ZFAND4: variants seen among roughly 807,000 people sequenced by gnomAD.
ZFAND4 encodes the protein zinc finger AN1-type containing 4.
A neutral mutation model predicts 64.4 loss-of-function variants in ZFAND4; 43 were observed. That is an observed-to-expected ratio of 0.67 (90% confidence interval 0.52 to 0.86). The LOEUF (loss-of-function observed/expected upper bound fraction) is 0.86. Among genes scored for constraint, ZFAND4 ranks in the 40% least tolerant of loss-of-function variants. The pLI is 0.00. For missense variants in ZFAND4, 929 were observed against 859.8 expected (o/e 1.08, Z -1.01); for synonymous variants, 296 against 305.7 (o/e 0.97, Z 0.33).
chr10:45,641,262 T>C (rs532747434), intron 5 of ZFAND4, among the ~76,000 whole-genome samples: 31 of 152,316 alleles, frequency 2.0e-4, no homozygotes, highest in African/African-American at 7.2e-4. Flanking sequence ...CTTGGCACAT[T>C]TGGAAAACAA....
intron 2 of ZFAND4, chr10:45,662,802 G>A (rs1247287435): frequency 4.2e-6 from 1 of 237,588 alleles, no homozygotes; most frequent in Non-Finnish European, 6.8e-6. Context: ...GGCAACCCTA[G>A]TCACTACCTT....
Position 45,626,778 on chromosome 10 carries a change from C to T in ZFAND4, c.1045G>A (p.Asp349Asn), listed in dbSNP as rs760757010. 9 of 1,614,040 alleles carry T rather than the reference C, an allele frequency of 5.6e-6. No homozygotes were observed. Among genetic ancestry groups the T allele is most frequent in the Non-Finnish European group, 7.6e-6 (9 of 1,180,056 alleles). Residue 349 changes from aspartate to asparagine, a missense_variant, in exon 7 of 10, where the codon GAC becomes AAC. By Grantham distance (23) the Asp-to-Asn change is conservative. Coordinates refer to ENST00000344646, the MANE Select transcript of ZFAND4 (RefSeq NM_174890.4). ...AGAACAGAGTCAGCAAGCTCCTGGT[C>T]ATTTCCCAACTCCAAATGGGGTATC... ...PQIPHLELGN[D>N]QELADSVLHL...
At chr10:45,617,101 A>G (rs1177903207) in intron 9 of ZFAND4, among the ~76,000 whole-genome samples, 2 of 151,916 alleles carry the variant, frequency 1.3e-5, no homozygotes, top group East Asian at 1.9e-4. Flanking sequence ...AAAAAAAAAA[A>G]GAATGAAACA....
intron 5 of ZFAND4, chr10:45,640,361 T>C: frequency 7.8e-7 from 1 of 1,276,038 alleles, no homozygotes; most frequent in Non-Finnish European, 1.0e-6. Context: ...TGAATCAGAA[T>C]TTTTTTAAAT....
At chr10:45,665,348 T>C (rs1363022031) in intron 1 of ZFAND4, among the ~76,000 whole-genome samples, 1 of 152,098 alleles carries the variant, frequency 6.6e-6, no homozygotes, top group Non-Finnish European at 1.5e-5. Context: ...GAGACCAGCC[T>C]GGCCAAAATG....
intron 5 of ZFAND4, among the ~76,000 whole-genome samples, chr10:45,641,352 C>T (rs2046985588): frequency 6.6e-6 from 1 of 152,166 alleles, no homozygotes; most frequent in South Asian, 2.1e-4. Flanking sequence ...AGGTTATCTA[C>T]ACTATGGAAG....
In ZFAND4 at chr10:45,626,290, A is replaced by C. The variant is rs1385068106; in HGVS notation, c.1533T>G (p.Asp511Glu). 1 of 1,614,100 alleles carries C rather than the reference A, an allele frequency of 6.2e-7. No homozygotes were observed. The highest frequency in any genetic ancestry group is 2.2e-5 in the East Asian group (1 of 44,902). ...KLQPSSSQSLDVQNITDSSFS... is the reference protein window; with the variant it reads ...KLQPSSSQSLEVQNITDSSFS... ...AAGAAGAATCAGTTATGTTTTGAAC[A>C]TCCAGTGACTGAGAAGAAGAAGGCT... The change falls in exon 7 of 10, where the codon GAT becomes GAG. Residue 511 changes from aspartate to glutamate, a missense_variant. Asp to Glu is a conservative substitution (Grantham distance 45). Transcript: ENST00000344646.
intron 1 of ZFAND4, among the ~76,000 whole-genome samples, chr10:45,670,711 A>T (rs1363608401): frequency 6.6e-6 from 1 of 152,218 alleles, no homozygotes; most frequent in Non-Finnish European, 1.5e-5. Flanking sequence ...TAAATGTTAG[A>T]CCTGAAACCA....
At chr10:45,631,838 G>T (rs745954325) in intron 6 of ZFAND4, among the ~76,000 whole-genome samples, 1 of 151,978 alleles carries the variant, frequency 6.6e-6, no homozygotes, top group South Asian at 2.1e-4. Flanking sequence ...TATCTATTAC[G>T]TATCAATGAA....
chr10:45,637,607 G>A (rs527598825), intron 6 of ZFAND4, among the ~76,000 whole-genome samples: 36 of 151,838 alleles, frequency 2.4e-4, no homozygotes, highest in South Asian at 4.2e-4. Flanking sequence ...AAAATTAGCC[G>A]GGCGTGGAGA....
intron 1 of ZFAND4, among the ~76,000 whole-genome samples, chr10:45,664,657 G>A (rs908841649): frequency 3.3e-5 from 5 of 151,666 alleles, no homozygotes; most frequent in Admixed American, 3.3e-4. Flanking sequence ...TGGGGGCTGT[G>A]GCTCATGCCT....
At chr10:45,642,419 A>T (rs1357931606) in intron 5 of ZFAND4, among the ~76,000 whole-genome samples, 2 of 152,024 alleles carry the variant, frequency 1.3e-5, no homozygotes, top group Non-Finnish European at 2.9e-5. Context: ...CATCCTGGCT[A>T]ACATGGTGAA....
At chr10:45,633,170 G>C (rs1323190556) in intron 6 of ZFAND4, among the ~76,000 whole-genome samples, 1 of 148,624 alleles carries the variant, frequency 6.7e-6, no homozygotes, top group Non-Finnish European at 1.5e-5. Context: ...ATGAATAATA[G>C]ACCTTCATCT....
At chr10:45,635,214 C>CAAAAAAAAAAAAAAA (rs76130878) in intron 6 of ZFAND4, among the ~76,000 whole-genome samples, 6 of 68,250 alleles carry the variant, frequency 8.8e-5, no homozygotes, top group Admixed American at 1.6e-4. Flanking sequence ...AAAAAAAAAA[C>CAAAAAAAAAAAAAAA]AAAAAAAAAA....
chr10:45,643,966 A>T (rs2047203390), intron 5 of ZFAND4, among the ~76,000 whole-genome samples: 1 of 152,246 alleles, frequency 6.6e-6, no homozygotes, highest in Non-Finnish European at 1.5e-5. Context: ...ATAAAATTCA[A>T]ATTTGTGTCC....
rs573817140 is a variant in ZFAND4 at position 45,632,988 on chromosome 10, G to A, written c.718-5883C>T. ...TAGGTATGGGCCTGATATCAGGCAA[G>A]GAAAATTCAAGGGGAAAGTCAGTGA... On this transcript the variant is annotated intron_variant, in intron 6 of 9. Transcript: ENST00000344646. 7.2e-5 allele frequency among the ~76,000 whole-genome samples: 11 copies of A among 152,242 alleles called. 1 individual carries two copies. The highest frequency in any genetic ancestry group is 2.6e-4 in the Admixed American group (4 of 15,294).
intron 2 of ZFAND4, among the ~76,000 whole-genome samples, chr10:45,654,752 A>C (rs778452585): frequency 6.6e-5 from 10 of 152,224 alleles, no homozygotes; most frequent in Non-Finnish European, 1.5e-4. Context: ...TATTACAAAA[A>C]AAGACAAAGA....
chr10:45,625,662 A>T (rs1255525829), intron 7 of ZFAND4, among the ~76,000 whole-genome samples: 2 of 151,804 alleles, frequency 1.3e-5, no homozygotes. Flanking sequence ...AGGCTAAGGC[A>T]GGAGGATTGC....
intron 6 of ZFAND4, among the ~76,000 whole-genome samples, 199 bp from the exon 7 acceptor site, chr10:45,627,304 G>C (rs2045905597): frequency 6.6e-6 from 1 of 152,016 alleles, no homozygotes; most frequent in Non-Finnish European, 1.5e-5. Context: ...ACTTTTCTGG[G>C]AATATTAAAG....
Sources: allele counts gnomAD v4.1 joint callset (sites outside exome capture counted in the v4.1 genomes callset), GRCh38; gene constraint gnomAD v4.1.1; transcripts MANE v1.5; gene names NCBI Gene and HGNC (gene_info 2026-07-23, HGNC 2026-07-21).